SHANK2: variants seen among roughly 807,000 people sequenced by gnomAD.
SHANK2 encodes the protein SH3 and multiple ankyrin repeat domains protein 2.
Under a neutral mutation model 133.7 loss-of-function variants are expected in SHANK2, and 43 were observed. The observed-to-expected ratio is 0.32, with a 90% CI of 0.25 to 0.41. The LOEUF (loss-of-function observed/expected upper bound fraction) is 0.41, where lower values mean the gene tolerates loss of function less well. SHANK2 is among the 10% of genes least tolerant of loss of function. The probability of loss-of-function intolerance (pLI) is 1.00; values close to 1 mark genes in which losing one functional copy is unlikely to be tolerated. For missense variants in SHANK2, 1,994 were observed against 2,235.8 expected, an observed-to-expected ratio of 0.89 and a Z score of 2.18; for synonymous variants, 1,017 against 952.8, an observed-to-expected ratio of 1.07 and a Z score of -1.24.
At chr11:70,655,546 T>C (rs1432499280) in intron 17 of SHANK2, among the ~76,000 whole-genome samples, 2 of 152,230 alleles carry the variant, frequency 1.3e-5, no homozygotes, top group African/African-American at 4.8e-5. Context: ...TCAGCTGCTA[T>C]AAACAAGGAC....
At chr11:70,937,586 G>C (rs1375505463) in intron 10 of SHANK2, among the ~76,000 whole-genome samples, 1 of 152,084 alleles carries the variant, frequency 6.6e-6, no homozygotes, top group Non-Finnish European at 1.5e-5. Flanking sequence ...CAAAAGATGG[G>C]GGTGGCCACC....
chr11:70,829,253 G>A (rs1948691369), intron 11 of SHANK2, among the ~76,000 whole-genome samples: 1 of 152,190 alleles, frequency 6.6e-6, no homozygotes, highest in African/African-American at 2.4e-5. Flanking sequence ...ATCTAAACCA[G>A]AGAAAAACCC....
intron 17 of SHANK2, among the ~76,000 whole-genome samples, chr11:70,587,697 AG>A (rs1443044543): frequency 3.0e-5 from 3 of 99,604 alleles, no homozygotes; most frequent in Admixed American, 1.3e-4. Flanking sequence ...GAGCACGTCC[AG>A]TTTTTTTTTT....
Position 70,875,855 on chromosome 11 carries a change from C to CAA in SHANK2, c.1174+20644_1174+20645dup, listed in dbSNP as rs869042517. On this transcript the variant is annotated intron_variant, in intron 11 of 25. Coordinates refer to ENST00000601538, the MANE Select transcript of SHANK2 (RefSeq NM_012309.5). ...GGGGTGACAGAGTGAGACACTGTTT[C>CAA]AAAAAAAAAAAAAAAAAGAGGCTGG... 1.8e-3 allele frequency among the ~76,000 whole-genome samples: 175 copies of CAA among 94,984 alleles called. 3 individuals carry two copies. Among genetic ancestry groups the CAA allele is most frequent in the Admixed American group, 5.3e-3 (44 of 8,298 alleles). 62.3% of individuals were successfully genotyped at this position (94,984 alleles called of 152,430 possible).
intron 21 of SHANK2, among the ~76,000 whole-genome samples, chr11:70,493,716 T>C (rs1267328319): frequency 6.6e-6 from 1 of 152,170 alleles, no homozygotes; most frequent in Non-Finnish European, 1.5e-5. Flanking sequence ...CTGGTGGGTG[T>C]ACCCCATTCT....
intron 8 of SHANK2, among the ~76,000 whole-genome samples, chr11:71,078,583 G>A (rs1036789991): frequency 3.0e-4 from 46 of 152,260 alleles, no homozygotes; most frequent in East Asian, 1.7e-3. Flanking sequence ...CTCAGGAAGC[G>A]GGACTCAGAC....
At chr11:70,855,163 T>C (rs12806832) in intron 11 of SHANK2, among the ~76,000 whole-genome samples, 30,072 of 152,250 alleles carry the variant, frequency 0.2, 3,599 homozygotes, top group Non-Finnish European at 0.27. Context: ...AATGACTTCA[T>C]GATGAGGGAT....
intron 17 of SHANK2, among the ~76,000 whole-genome samples, chr11:70,590,251 G>A (rs1554987735): frequency 6.6e-6 from 1 of 152,210 alleles, no homozygotes; most frequent in Non-Finnish European, 1.5e-5. Context: ...TGGATGAGGA[G>A]TTGCTTCTTA....
At chr11:70,538,834 T>C (rs1356780407) in intron 17 of SHANK2, among the ~76,000 whole-genome samples, 1 of 152,158 alleles carries the variant, frequency 6.6e-6, no homozygotes, top group East Asian at 1.9e-4. Context: ...TGGGGAGGGC[T>C]GAGTGTTGGG....
chr11:70,707,439 G>A (rs139235643), intron 14 of SHANK2, among the ~76,000 whole-genome samples: 2 of 150,188 alleles, frequency 1.3e-5, no homozygotes, highest in African/African-American at 4.9e-5. Context: ...ACAGGGTCCT[G>A]TGAGCATGCT....
intron 14 of SHANK2, among the ~76,000 whole-genome samples, chr11:70,792,220 T>G (rs1463971741): frequency 7.5e-6 from 1 of 133,326 alleles, no homozygotes; most frequent in African/African-American, 2.9e-5. Flanking sequence ...ACCAACCAAC[T>G]AATCAGTCAG....
chr11:70,756,461 C>T (rs1272029965), intron 14 of SHANK2, among the ~76,000 whole-genome samples: 4 of 152,186 alleles, frequency 2.6e-5, no homozygotes, highest in African/African-American at 4.8e-5. Context: ...CCCCACGCTG[C>T]CTGGCACAGA....
chr11:70,558,404 C>T (rs562225930), intron 17 of SHANK2, among the ~76,000 whole-genome samples: 1 of 152,388 alleles, frequency 6.6e-6, no homozygotes, highest in East Asian at 1.9e-4. Flanking sequence ...CCAGCCCAGT[C>T]GTGCCTGTCA....
intron 12 of SHANK2, among the ~76,000 whole-genome samples, chr11:70,813,575 G>A (rs1555053646): frequency 6.6e-6 from 1 of 152,086 alleles, no homozygotes. Context: ...AGGTGGGTGT[G>A]TCTTCCAGGT....
chr11:70,928,473 CCT>C (rs1555081988), intron 10 of SHANK2, among the ~76,000 whole-genome samples: 2 of 152,154 alleles, frequency 1.3e-5, no homozygotes, highest in Non-Finnish European at 2.9e-5. Context: ...GCCAGAACAA[CCT>C]CACCCCCAGA....
At chr11:70,707,517 A>G (rs2134555910) in intron 14 of SHANK2, among the ~76,000 whole-genome samples, 1 of 152,202 alleles carries the variant, frequency 6.6e-6, no homozygotes, top group Middle Eastern at 3.4e-3. Flanking sequence ...ACGTGGACAG[A>G]CAGAGGCAGG....
chr11:70,865,750 A>T (rs557503276), intron 11 of SHANK2, among the ~76,000 whole-genome samples: 26 of 152,324 alleles, frequency 1.7e-4, no homozygotes, highest in Admixed American at 1.6e-3. Flanking sequence ...ATTGAATCAG[A>T]TCCTGTCTCT....
intron 17 of SHANK2, among the ~76,000 whole-genome samples, chr11:70,605,270 G>C (rs1335930108): frequency 2.0e-5 from 3 of 152,248 alleles, no homozygotes; most frequent in Admixed American, 2.0e-4. Flanking sequence ...TGAGCCCCGG[G>C]GGTGGGAACA....
chr11:70,911,982 T>C (rs1444791725), intron 10 of SHANK2, among the ~76,000 whole-genome samples: 4 of 148,946 alleles, frequency 2.7e-5, no homozygotes, highest in African/African-American at 9.9e-5. Flanking sequence ...CTTGGGAGGC[T>C]GAGGCAGGAG....
Sources: allele counts gnomAD v4.1 joint callset (sites outside exome capture counted in the v4.1 genomes callset), GRCh38; gene constraint gnomAD v4.1.1; transcripts MANE v1.5; gene names NCBI Gene and HGNC (gene_info 2026-07-23, HGNC 2026-07-21).